KCTD8: variants seen among roughly 807,000 people sequenced by gnomAD.
KCTD8 encodes the protein potassium channel tetramerization domain containing 8, also known as BTB/POZ domain-containing protein KCTD8.
In KCTD8, 27 loss-of-function variants were observed where a neutral mutation model predicts 31.5. The observed-to-expected ratio is 0.86, with a 90% confidence interval of 0.63 to 1.18. The LOEUF is 1.18. Among genes scored for constraint, KCTD8 ranks in the 50% most tolerant of loss-of-function variants. KCTD8 has a pLI of 0.00. For missense variants in KCTD8, 658 were observed against 647.7 expected (o/e 1.02, Z -0.17); for synonymous variants, 290 against 280.0 (o/e 1.04, Z -0.36).
intron 1 of KCTD8, among the ~76,000 whole-genome samples, chr4:44,204,766 G>T (rs898251516): frequency 6.6e-5 from 10 of 151,820 alleles, no homozygotes; most frequent in Non-Finnish European, 1.2e-4. Flanking sequence ...TATACTAAAA[G>T]ATATGTTAAT....
At chr4:44,181,094 C>T (rs1229759443) in intron 1 of KCTD8, among the ~76,000 whole-genome samples, 2 of 151,884 alleles carry the variant, frequency 1.3e-5, no homozygotes, top group Non-Finnish European at 2.9e-5. Flanking sequence ...ATACTTAAGG[C>T]CGCATAGTGC....
chr4:44,226,330 T>C (rs538994105), intron 1 of KCTD8, among the ~76,000 whole-genome samples: 3 of 152,300 alleles, frequency 2.0e-5, no homozygotes, highest in South Asian at 2.1e-4. Context: ...CTGAGAATGA[T>C]GGCTTTCAGC....
intron 1 of KCTD8, among the ~76,000 whole-genome samples, chr4:44,276,532 A>T (rs561073478): frequency 6.6e-6 from 1 of 151,938 alleles, no homozygotes; most frequent in Non-Finnish European, 1.5e-5. Context: ...TTTAGTCTAA[A>T]CAGTAGATTC....
rs1393425987 is a variant in KCTD8 at position 44,299,738 on chromosome 4, A to T, written c.962-124488T>A. Among the ~76,000 whole-genome samples, 4 of 151,274 alleles carry T rather than the reference A, an allele frequency of 2.6e-5. No homozygotes were observed. In the East Asian group the frequency reaches 7.8e-4, roughly 30 times the overall value. ...TGAGACTCCGTCTCAAAAAAAAAAAAGGTGGTGCCTTAGGTGATTTTTTTT... is the reference window on the plus strand; with the variant it reads ...TGAGACTCCGTCTCAAAAAAAAAAATGGTGGTGCCTTAGGTGATTTTTTTT... On this transcript the variant is annotated intron_variant, in intron 1 of 1. Transcript: ENST00000360029.
At chr4:44,186,834 A>G (rs1204364436) in intron 1 of KCTD8, among the ~76,000 whole-genome samples, 1 of 152,244 alleles carries the variant, frequency 6.6e-6, no homozygotes, top group Non-Finnish European at 1.5e-5. Context: ...AGAATTCAGT[A>G]ACCATTTATC....
chr4:44,402,931 T>C (rs1720701154), intron 1 of KCTD8, among the ~76,000 whole-genome samples: 1 of 152,154 alleles, frequency 6.6e-6, no homozygotes. Context: ...AGGAATGAAC[T>C]AAAGATGATA....
At chr4:44,190,560 C>A (rs1391475785) in intron 1 of KCTD8, among the ~76,000 whole-genome samples, 1 of 152,158 alleles carries the variant, frequency 6.6e-6, no homozygotes, top group Non-Finnish European at 1.5e-5. Flanking sequence ...TAATGCCCTA[C>A]CAAATCAGCC....
At chr4:44,369,911 A>C (rs1719739758) in intron 1 of KCTD8, among the ~76,000 whole-genome samples, 1 of 152,176 alleles carries the variant, frequency 6.6e-6, no homozygotes, top group Admixed American at 6.5e-5. Flanking sequence ...TTTTTCTAAT[A>C]AACAATATCA....
chr4:44,254,932 G>A (rs1715949500), intron 1 of KCTD8, among the ~76,000 whole-genome samples: 2 of 151,816 alleles, frequency 1.3e-5, no homozygotes, highest in African/African-American at 2.4e-5. Context: ...TTTGGCTGAG[G>A]GAAATTCACT....
Position 44,410,305 on chromosome 4 carries a change from C to CT in KCTD8, c.961+37257dup, listed in dbSNP as rs535760149. Among the ~76,000 whole-genome samples the CT allele has an allele frequency of 2.3e-3, 352 of 152,196 alleles. 1 individual carries two copies. Among genetic ancestry groups the CT allele is most frequent in the Non-Finnish European group, 4.1e-3 (276 of 67,994 alleles). On this transcript the variant is annotated intron_variant, in intron 1 of 1. Transcript: ENST00000360029. The stretch of plus-strand genomic sequence containing the variant: ...ATTAATGCCTAGTGACAAATATTAA[C>CT]TAACAGTGTAATACTAATCACAATA...
At chr4:44,294,540 A>C (rs1717374153) in intron 1 of KCTD8, among the ~76,000 whole-genome samples, 1 of 152,202 alleles carries the variant, frequency 6.6e-6, no homozygotes, top group African/African-American at 2.4e-5. Flanking sequence ...TTACAAAAGC[A>C]TTGGCTCACT....
intron 1 of KCTD8, among the ~76,000 whole-genome samples, chr4:44,253,873 C>T (rs1484244494): frequency 1.3e-5 from 2 of 151,814 alleles, no homozygotes; most frequent in East Asian, 3.9e-4. Context: ...ATTGATCCTG[C>T]AAGTGGGGTG....
chr4:44,219,819 A>G (rs1035757477), intron 1 of KCTD8, among the ~76,000 whole-genome samples: 4 of 152,220 alleles, frequency 2.6e-5, no homozygotes, highest in Non-Finnish European at 5.9e-5. Context: ...CTGCATAAAA[A>G]TAACATTTAT....
intron 1 of KCTD8, among the ~76,000 whole-genome samples, chr4:44,441,969 T>C (rs1244136859): frequency 6.6e-6 from 1 of 152,108 alleles, no homozygotes; most frequent in African/African-American, 2.4e-5. Context: ...GTTAATGTCA[T>C]GGGGGAAATT....
intron 1 of KCTD8, among the ~76,000 whole-genome samples, chr4:44,349,065 G>GCCA (rs1553902838): frequency 1.1e-4 from 12 of 107,828 alleles, no homozygotes; most frequent in South Asian, 9.7e-4. Flanking sequence ...CACCATCGCT[G>GCCA]CCACCGCCAC....
intron 1 of KCTD8, among the ~76,000 whole-genome samples, chr4:44,362,975 A>G (rs570544539): frequency 6.6e-6 from 1 of 152,212 alleles, no homozygotes; most frequent in African/African-American, 2.4e-5. Flanking sequence ...AAAACAGCCT[A>G]GTAAAATTAG....
chr4:44,350,660 T>C (rs1342108634), intron 1 of KCTD8, among the ~76,000 whole-genome samples: 2 of 152,082 alleles, frequency 1.3e-5, no homozygotes, highest in Admixed American at 1.3e-4. Flanking sequence ...AAAAGATATA[T>C]TTTTTTAAAA....
At chr4:44,186,683 A>G (rs1713599837) in intron 1 of KCTD8, among the ~76,000 whole-genome samples, 1 of 152,288 alleles carries the variant, frequency 6.6e-6, no homozygotes, top group Admixed American at 6.5e-5. Flanking sequence ...TGGGGCACCG[A>G]AGAAGTGAGT....
At chr4:44,203,600 T>G (rs1233207598) in intron 1 of KCTD8, among the ~76,000 whole-genome samples, 1 of 147,936 alleles carries the variant, frequency 6.8e-6, no homozygotes, top group Non-Finnish European at 1.5e-5. Context: ...CAAAAATACA[T>G]AGGAGCTTAA....
Sources: allele counts gnomAD v4.1 joint callset (sites outside exome capture counted in the v4.1 genomes callset), GRCh38; gene constraint gnomAD v4.1.1; transcripts MANE v1.5; gene names NCBI Gene and HGNC (gene_info 2026-07-23, HGNC 2026-07-21).